Variants in ZNF71 observed in about 807,000 individuals in gnomAD.
ZNF71 encodes the protein endothelial zinc finger protein induced by tumor necrosis factor alpha.
A neutral mutation model predicts 6.7 loss-of-function variants in ZNF71; 3 were observed. The ratio of observed to expected loss-of-function variants is 0.45; its 90% CI spans 0.20 to 1.16. The LOEUF (loss-of-function observed/expected upper bound fraction) is 1.16, where lower values mean the gene tolerates loss of function less well. Ranked by LOEUF, ZNF71 falls within the 50% of genes most tolerant of loss-of-function variation. The pLI is 0.25. For synonymous variants in ZNF71, 343 were observed against 311.1 expected, an observed-to-expected ratio of 1.10 and a Z score of -1.08; for missense variants, 688 against 728.6, an observed-to-expected ratio of 0.94 and a Z score of 0.64.
chr19:56,602,971 A>G (rs1043970359), intron 2 of ZNF71, among the ~76,000 whole-genome samples: 2 of 152,346 alleles, frequency 1.3e-5, no homozygotes, highest in Admixed American at 6.5e-5. Flanking sequence ...AATGTTAACA[A>G]TGAACTTTTG....
At position 56,598,358 on chromosome 19, in the gene ZNF71, G is replaced by T. The variant is rs1006642578; in HGVS notation, c.-53+2930G>T. Among the ~76,000 whole-genome samples, 3 of 152,100 alleles carry T rather than the reference G, an allele frequency of 2.0e-5. No individual in the cohort carries two copies. Among genetic ancestry groups the T allele is most frequent in the African/African-American group, 7.2e-5 (3 of 41,412 alleles). ...GGAGATGGAAGGGGAGAGGCCATCA[G>T]GGGCACATCATAAGGGCTATGTGGG... On this transcript the variant is annotated intron_variant, in intron 1 of 3. Coordinates refer to ENST00000599599, the MANE Select transcript of ZNF71 (RefSeq NM_001370215.1). This position sits in a 1 kb window ranked among gnomAD's most constrained non-coding sequence, Gnocchi z 4.2.
rs2044858534 is a variant in ZNF71 at position 56,622,065 on chromosome 19, C to T, written c.958C>T (p.His320Tyr). Residue 320 changes from histidine to tyrosine, a missense_variant, in exon 4 of 4, where the codon CAC (histidine) becomes TAC (tyrosine). By Grantham distance (83) the His-to-Tyr change is moderately conservative. Transcript: ENST00000599599. ...AFSQNMHLIV[H>Y]QRTHTGEKPY... ...CAGCCAGAACATGCACCTCATCGTG[C>T]ACCAGCGCACGCACACCGGGGAGAA... 1.9e-6 allele frequency: 3 copies of T among 1,612,852 alleles called. No homozygotes were observed. Among genetic ancestry groups the T allele is most frequent in the Non-Finnish European group, 2.5e-6 (3 of 1,179,114 alleles).
At chr19:56,607,157 A>C (rs1159591897) in intron 2 of ZNF71, among the ~76,000 whole-genome samples, 1 of 152,204 alleles carries the variant, frequency 6.6e-6, no homozygotes, top group African/African-American at 2.4e-5. Flanking sequence ...ATGGTATCTA[A>C]TACGTATTCT....
intron 2 of ZNF71, among the ~76,000 whole-genome samples, chr19:56,601,958 G>A (rs1257739641): frequency 6.6e-6 from 1 of 152,196 alleles, no homozygotes; most frequent in South Asian, 2.1e-4. Flanking sequence ...ATGCCCACAT[G>A]TGTGATGAAA....
chr19:56,606,668 G>C (rs2044712505), intron 2 of ZNF71, among the ~76,000 whole-genome samples: 1 of 151,884 alleles, frequency 6.6e-6, no homozygotes, highest in Admixed American at 6.5e-5. Context: ...AGGCCTTGGT[G>C]GGCATCTTTT....
rs1386922628 is a variant in ZNF71 at position 56,601,549 on chromosome 19, C to T, written c.-10C>T. The stretch of plus-strand genomic sequence containing the variant: ...GGCCTGTCTTCCTATTCACCGTGGG[C>T]AGCAGAGGGATGGCTGCTCAGCTGC... On this transcript the variant is annotated 5_prime_UTR_variant, in exon 2 of 4. Transcript: ENST00000599599. 1.1e-5 allele frequency: 11 copies of T among 985,780 alleles called. No homozygotes were observed. The highest frequency in any genetic ancestry group is 1.3e-5 in the Non-Finnish European group (11 of 830,080). The allele number at this position is 985,780 out of a possible 1,614,324, so 61.1% of individuals were successfully genotyped here. A position where few individuals can be genotyped will look rare whatever the true frequency, so the allele number is the denominator to read the frequency against.
In ZNF71 at chr19:56,621,648, C is replaced by T. The variant is rs775961190; in HGVS notation, c.541C>T (p.Pro181Ser). ...FSSTSDLSKP[P>S]MPCEEKKTYD... The stretch of plus-strand genomic sequence containing the variant: ...CAGCACTTCAGACCTCAGTAAGCCC[C>T]CCATGCCCTGCGAGGAGAAGAAAAC... Residue 181 changes from proline to serine, a missense_variant, in exon 4 of 4, where the codon CCC (proline) becomes TCC (serine). Coordinates refer to ENST00000599599, the MANE Select transcript of ZNF71 (RefSeq NM_001370215.1). 12 of 1,614,224 alleles carry T rather than the reference C, an allele frequency of 7.4e-6. No individual in the cohort carries two copies. The highest frequency in any genetic ancestry group is 6.6e-5 in the South Asian group (6 of 91,082).
intron 1 of ZNF71, among the ~76,000 whole-genome samples, chr19:56,597,548 G>T (rs76415578): frequency 0.084 from 12,782 of 152,224 alleles, 651 homozygotes; most frequent in Non-Finnish European, 0.11. Context: ...TTTCACAAAG[G>T]GGCTAAAGGT....
In ZNF71 at chr19:56,618,271, G is replaced by A. The variant is rs920848469; in HGVS notation, c.161-2997G>A. ...CGAGTACATCTCTGACTCCATTCTT[G>A]TATCTCCGTTTCCTCATCAGCAAAA... On this transcript the variant is annotated intron_variant, in intron 3 of 3. Transcript: ENST00000599599. This position sits in a 1 kb window ranked among gnomAD's most constrained non-coding sequence, Gnocchi z 4.6. 1.3e-5 allele frequency among the ~76,000 whole-genome samples: 2 copies of A among 152,180 alleles called. No homozygotes were observed. The highest frequency in any genetic ancestry group is 2.9e-5 in the Non-Finnish European group (2 of 68,040).
intron 2 of ZNF71, among the ~76,000 whole-genome samples, chr19:56,607,328 C>T (rs2044717709): frequency 1.3e-5 from 2 of 152,130 alleles, no homozygotes; most frequent in Non-Finnish European, 2.9e-5. Flanking sequence ...AAGCAGGTAG[C>T]TTTTTATGTG....
At chr19:56,601,740 G>A in intron 2 of ZNF71, 149 bp downstream of exon 2, 1 of 434,056 alleles carries the variant, frequency 2.3e-6, no homozygotes, top group Non-Finnish European at 3.1e-6. Flanking sequence ...TATAGATGAT[G>A]CTGACCCTGG....
intron 2 of ZNF71, among the ~76,000 whole-genome samples, chr19:56,609,030 C>T (rs2044730596): frequency 6.6e-6 from 1 of 152,182 alleles, no homozygotes; most frequent in Non-Finnish European, 1.5e-5. Context: ...ATGGAGTGGA[C>T]ATCTTTGTGC....
intron 2 of ZNF71, chr19:56,610,460 T>G (rs2044743187): frequency 6.6e-6 from 1 of 152,172 alleles, no homozygotes; most frequent in South Asian, 2.1e-4. Context: ...CCCCTTTTTT[T>G]TTGTTATGGC....
At chr19:56,620,646 C>T (rs1432394457) in intron 3 of ZNF71, among the ~76,000 whole-genome samples, 3 of 151,994 alleles carry the variant, frequency 2.0e-5, no homozygotes. Context: ...ATCCTCCCAC[C>T]TCAGCCTCTC....
chr19:56,608,641 T>G (rs1344434862), intron 2 of ZNF71, among the ~76,000 whole-genome samples: 2 of 152,138 alleles, frequency 1.3e-5, no homozygotes, highest in African/African-American at 4.8e-5. Flanking sequence ...AGAATCACCC[T>G]GGCACAGTGA....
In ZNF71 at chr19:56,596,633, G is replaced by A. The variant is rs575193169; in HGVS notation, c.-53+1205G>A. Among the ~76,000 whole-genome samples the A allele has an allele frequency of 2.6e-5, 4 of 152,320 alleles. No individual in the cohort carries two copies. In the South Asian group the frequency reaches 8.3e-4, roughly 32 times the overall value. On this transcript the variant is annotated intron_variant, in intron 1 of 3. Coordinates refer to ENST00000599599, the MANE Select transcript of ZNF71 (RefSeq NM_001370215.1). ...GGAGAGGTTGATTTGTTCAGGGAAT[G>A]TGTATGCAGCCAGTGCTGGCCATTT...
At position 56,613,719 on chromosome 19, in the gene ZNF71, G is replaced by A. The variant is rs1372051167; in HGVS notation, c.34-93G>A. ...AAATCACTTCAGCTACATCCCATCTGCCTCCCCTAAATCCTCTTGGCTTTT... is the reference window on the plus strand; with the variant it reads ...AAATCACTTCAGCTACATCCCATCTACCTCCCCTAAATCCTCTTGGCTTTT... On this transcript the variant is annotated intron_variant, in intron 2 of 3. Transcript: ENST00000599599. This position sits in a 1 kb window ranked among gnomAD's most constrained non-coding sequence, Gnocchi z 4.6. 3 of 1,003,072 alleles carry A rather than the reference G, an allele frequency of 3.0e-6. No homozygotes were observed. Among genetic ancestry groups the A allele is most frequent in the Admixed American group, 5.2e-5 (1 of 19,208 alleles). 62.1% of individuals were successfully genotyped at this position (1,003,072 alleles called of 1,614,324 possible).
At chr19:56,597,726 T>C (rs1427946307) in intron 1 of ZNF71, among the ~76,000 whole-genome samples, 1 of 81,612 alleles carries the variant, frequency 1.2e-5, no homozygotes, top group Non-Finnish European at 2.4e-5. Context: ...TTTTCAGGGT[T>C]TTTTTTTGCC....
At chr19:56,600,064 T>C (rs1178778676) in intron 1 of ZNF71, among the ~76,000 whole-genome samples, 1 of 150,346 alleles carries the variant, frequency 6.7e-6, no homozygotes, top group Non-Finnish European at 1.5e-5. Context: ...ATTCATTCTT[T>C]GTGTGTGTGT....
Sources: allele counts gnomAD v4.1 joint callset (sites outside exome capture counted in the v4.1 genomes callset), GRCh38; gene constraint gnomAD v4.1.1; non-coding constraint Gnocchi (gnomAD v3.1); transcripts MANE v1.5; gene names NCBI Gene and HGNC (gene_info 2026-07-23, HGNC 2026-07-21).